The following MACF1 variants were observed in gnomAD, a reference collection of about 807,000 sequenced individuals.
MACF1 encodes microtubule-actin cross-linking factor 1.
A neutral mutation model predicts 854.8 loss-of-function variants in MACF1; 193 were observed. That is an observed-to-expected ratio of 0.23 (90% CI 0.20 to 0.25). MACF1 has a LOEUF of 0.25. Ranked by LOEUF, MACF1 falls within the 10% of genes least tolerant of loss-of-function variation. The pLI is 1.00. For missense variants in MACF1, 7,722 were observed against 8,929.1 expected, an observed-to-expected ratio of 0.86 and a Z score of 5.45; for synonymous variants, 3,185 against 3,226.7, an observed-to-expected ratio of 0.99 and a Z score of 0.44.
In MACF1 at chr1:39,469,577, C is replaced by G. The variant is rs894643828; in HGVS notation, c.21920C>G (p.Ser7307Cys). Residue 7307 changes from serine to cysteine, a missense_variant, in exon 97 of 101, where the codon TCT (serine) becomes TGT (cysteine). By Grantham distance (112) the Ser-to-Cys change is moderately radical. Coordinates refer to ENST00000564288, the MANE Select transcript of MACF1 (RefSeq NM_001394062.1). ...VHHPGSKIKR[S>C]DSSSSISSQS... ...CATCCTGGGAGTAAAATAAAGCGCT[C>G]TGATTCCAGCTCTTCGATTTCCAGT... 6.4e-7 allele frequency: 1 copy of G among 1,550,572 alleles called. No individual in the cohort carries two copies. Among genetic ancestry groups the G allele is most frequent in the East Asian group, 2.4e-5 (1 of 40,924 alleles).
At position 39,284,326 on chromosome 1, in the gene MACF1, T is replaced by A. The variant is rs992600180; in HGVS notation, c.1036-7T>A. 2.4e-5 allele frequency: 38 copies of A among 1,575,820 alleles called. No homozygotes were observed. Among genetic ancestry groups the A allele is most frequent in the Non-Finnish European group, 3.3e-5 (38 of 1,166,034 alleles). On this transcript the variant is annotated splice_polypyrimidine_tract_variant and splice_region_variant and intron_variant, in intron 10 of 100. Transcript: ENST00000564288. ...GTCCATTTATTCACCAAATATTAATTTTATAGGCACTTTATAACCAATATA... is the reference window on the plus strand; with the variant it reads ...GTCCATTTATTCACCAAATATTAATATTATAGGCACTTTATAACCAATATA...
intron 15 of MACF1, among the ~76,000 whole-genome samples, chr1:39,288,631 T>G (rs1485207751): frequency 1.3e-5 from 2 of 151,528 alleles, no homozygotes; most frequent in East Asian, 3.9e-4. Context: ...AAATCCCATC[T>G]GTATGGAAAA....
intron 2 of MACF1, among the ~76,000 whole-genome samples, chr1:39,144,080 C>CTT (rs1430433191): frequency 0.021 from 2,221 of 107,588 alleles, 81 homozygotes; most frequent in African/African-American, 0.049. Context: ...AGCCACGGCG[C>CTT]TTTTTTTTTT....
intron 29 of MACF1, among the ~76,000 whole-genome samples, chr1:39,317,995 T>C (rs1646445590): frequency 6.6e-6 from 1 of 152,224 alleles, no homozygotes; most frequent in Non-Finnish European, 1.5e-5. Context: ...AGAAGTGATA[T>C]GACTTATTGG....
intron 26 of MACF1, among the ~76,000 whole-genome samples, chr1:39,313,528 GT>G (rs1378793354): frequency 6.6e-6 from 1 of 151,900 alleles, no homozygotes; most frequent in South Asian, 2.1e-4. Context: ...CTTTTCTGTA[GT>G]TTGTCTTCCT....
At chr1:39,269,573 C>G in intron 6 of MACF1, 1 of 1,289,804 alleles carries the variant, frequency 7.8e-7, no homozygotes, top group Non-Finnish European at 1.0e-6. Context: ...TTTTGCCCTC[C>G]TCCTCTGGCT....
At chr1:39,352,719 G>A (rs757790308) in intron 43 of MACF1, among the ~76,000 whole-genome samples, 7 of 150,484 alleles carry the variant, frequency 4.7e-5, no homozygotes, top group African/African-American at 7.3e-5. Context: ...GGGTTTCACC[G>A]TGTTGACCAG....
chr1:39,390,483 G>A (rs910410549), intron 58 of MACF1, among the ~76,000 whole-genome samples: 4 of 152,334 alleles, frequency 2.6e-5, no homozygotes, highest in African/African-American at 7.2e-5. Flanking sequence ...CATGTTTGGA[G>A]ATAGTACAAT....
chr1:39,479,567 T>C (rs1644977323), intron 97 of MACF1, among the ~76,000 whole-genome samples: 1 of 152,176 alleles, frequency 6.6e-6, no homozygotes, highest in Non-Finnish European at 1.5e-5. Context: ...AGTGGGCTGG[T>C]CCTTTATACA....
At chr1:39,396,254 A>T (rs1247565603) in intron 58 of MACF1, among the ~76,000 whole-genome samples, 1 of 146,614 alleles carries the variant, frequency 6.8e-6, no homozygotes, top group East Asian at 2.1e-4. Context: ...CAGGAGGTGG[A>T]GGTTGCAGTG....
chr1:39,282,143 G>A, intron 6 of MACF1, 65 bp from the exon 7 acceptor site: 1 of 1,551,250 alleles, frequency 6.4e-7, no homozygotes, highest in Non-Finnish European at 8.8e-7. Context: ...AATGTATGGA[G>A]AAGAGAAGGC....
intron 2 of MACF1, among the ~76,000 whole-genome samples, chr1:39,188,975 TG>T (rs1292668861): frequency 6.6e-6 from 1 of 152,160 alleles, no homozygotes; most frequent in Non-Finnish European, 1.5e-5. Flanking sequence ...TGAGCTCAGG[TG>T]ATCCACCTGC....
At chr1:39,190,391 G>GTTTT (rs1557508061) in intron 2 of MACF1, among the ~76,000 whole-genome samples, 8 of 41,796 alleles carry the variant, frequency 1.9e-4, no homozygotes, top group Non-Finnish European at 3.5e-4. Flanking sequence ...GTGTGTGTGT[G>GTTTT]TTTGTTTTTG....
At chr1:39,419,408 C>T (rs1267503177) in intron 58 of MACF1, among the ~76,000 whole-genome samples, 1 of 152,182 alleles carries the variant, frequency 6.6e-6, no homozygotes, top group Non-Finnish European at 1.5e-5. Flanking sequence ...AAGTCTGAAA[C>T]TTTCTGAATG....
intron 2 of MACF1, among the ~76,000 whole-genome samples, chr1:39,086,758 G>A (rs946758835): frequency 4.6e-5 from 7 of 152,114 alleles, no homozygotes; most frequent in African/African-American, 1.7e-4. Flanking sequence ...TTTTACACAG[G>A]CAAGGCTCCT....
intron 2 of MACF1, among the ~76,000 whole-genome samples, chr1:39,132,139 G>A (rs748657788): frequency 5.3e-5 from 8 of 152,194 alleles, no homozygotes; most frequent in Non-Finnish European, 7.3e-5. Context: ...TAGATTGGGG[G>A]TAGAGAAAGG....
chr1:39,400,498 TTTTG>T (rs982179795), intron 58 of MACF1, among the ~76,000 whole-genome samples: 8 of 152,028 alleles, frequency 5.3e-5, no homozygotes, highest in South Asian at 2.1e-4. Context: ...TTTTTTCATT[TTTTG>T]TTTGTTTGTT....
In MACF1 at chr1:39,193,601, A is replaced by G. The variant is rs1644282641; in HGVS notation, c.221-37581A>G. Among the ~76,000 whole-genome samples, 7 of 152,270 alleles carry G rather than the reference A, an allele frequency of 4.6e-5. No homozygotes were observed. In the South Asian group the frequency reaches 1.5e-3, roughly 32 times the overall value. On this transcript the variant is annotated intron_variant, in intron 2 of 93. Coordinates refer to the MACF1 transcript ENST00000361689. Reference sequence around the variant, plus strand: ...TTACTGTGTGCCAAATATATTATGCATTTTCTCACTTAATCCTCACTGTAA... The same window carrying G: ...TTACTGTGTGCCAAATATATTATGCGTTTTCTCACTTAATCCTCACTGTAA...
chr1:39,398,511 A>T (rs1337907250), intron 58 of MACF1, among the ~76,000 whole-genome samples: 1 of 151,970 alleles, frequency 6.6e-6, no homozygotes. Context: ...AACAACCTAC[A>T]ATACACAGGA....
Sources: allele counts gnomAD v4.1 joint callset (sites outside exome capture counted in the v4.1 genomes callset), GRCh38; gene constraint gnomAD v4.1.1; transcripts MANE v1.5; gene names NCBI Gene and HGNC (gene_info 2026-07-23, HGNC 2026-07-21).